TIGAR: variants seen among roughly 807,000 people sequenced by gnomAD.
TIGAR encodes the protein fructose-2,6-bisphosphatase TIGAR.
A neutral mutation model predicts 17.9 loss-of-function variants in TIGAR; 7 were observed. The ratio of observed to expected loss-of-function variants is 0.39; its 90% confidence interval spans 0.22 to 0.73. The LOEUF is 0.73. Among genes scored for constraint, TIGAR ranks in the 30% least tolerant of loss-of-function variants. The probability of loss-of-function intolerance (pLI) is 0.42; values close to 1 mark genes in which losing one functional copy is unlikely to be tolerated. For missense variants in TIGAR, 258 were observed against 327.4 expected, an observed-to-expected ratio of 0.79 and a Z score of 1.64; for synonymous variants, 94 against 108.6, an observed-to-expected ratio of 0.87 and a Z score of 0.84.
In TIGAR at chr12:4,352,919, A is replaced by G. The variant is rs1031088317; in HGVS notation, c.*228A>G. ...CAGAATAATTTTACCACCCTGCTAG[A>G]TGTCATCTCTGGATTGCACATGGAT... On this transcript the variant is annotated 3_prime_UTR_variant, in exon 6 of 6. Transcript: ENST00000179259. 8.0e-6 allele frequency: 4 copies of G among 500,038 alleles called. No homozygotes were observed. The highest frequency in any genetic ancestry group is 3.8e-5 in the African/African-American group (2 of 52,516). 31.0% of individuals were successfully genotyped at this position (500,038 alleles called of 1,614,324 possible).
At chr12:4,340,972 G>T (rs1864713464) in intron 3 of TIGAR, among the ~76,000 whole-genome samples, 1 of 152,136 alleles carries the variant, frequency 6.6e-6, no homozygotes, top group South Asian at 2.1e-4. Flanking sequence ...CCAGAACATT[G>T]TTCTGGCCAG....
intron 2 of TIGAR, among the ~76,000 whole-genome samples, chr12:4,334,530 A>C (rs1759461972): frequency 6.6e-6 from 1 of 152,234 alleles, no homozygotes; most frequent in African/African-American, 2.4e-5. Flanking sequence ...AAAAAATACA[A>C]AGAACTTGTC....
chr12:4,355,226 G>T lies in TIGAR; in HGVS notation c.*2535G>T, dbSNP rs1267137772. ...TGAAATTTGCTTTTTATAGTATAAGGTAAGAATTTAATTTTTTTTTTCATG... is the reference window on the plus strand; with the variant it reads ...TGAAATTTGCTTTTTATAGTATAAGTTAAGAATTTAATTTTTTTTTTCATG... On this transcript the variant is annotated 3_prime_UTR_variant, in exon 6 of 6. Coordinates refer to ENST00000179259, the MANE Select transcript of TIGAR (RefSeq NM_020375.3). 6.6e-6 allele frequency among the ~76,000 whole-genome samples: 1 copy of T among 151,998 alleles called. No homozygotes were observed. The highest frequency in any genetic ancestry group is 2.1e-4 in the South Asian group (1 of 4,822).
intron 2 of TIGAR, 91 bp from the exon 3 acceptor site, chr12:4,336,948 G>T: frequency 7.5e-7 from 1 of 1,331,900 alleles, no homozygotes; most frequent in East Asian, 2.6e-5. Flanking sequence ...TTAAAATTTA[G>T]ATAAATGCAG....
rs561238240 is a variant in TIGAR, at chr12:4,356,558, G to T, written c.*3867G>T. Among the ~76,000 whole-genome samples the T allele has an allele frequency of 3.3e-5, 5 of 151,930 alleles. No homozygotes were observed. The highest frequency in any genetic ancestry group is 5.9e-5 in the Non-Finnish European group (4 of 67,990). Reference sequence around the variant, plus strand: ...CCAGACCAGTGCATCTGTTACCATCGGTGAGCCCACATTACACTGACATAT... The same window carrying T: ...CCAGACCAGTGCATCTGTTACCATCTGTGAGCCCACATTACACTGACATAT... On this transcript the variant is annotated 3_prime_UTR_variant, in exon 6 of 6. Coordinates refer to ENST00000179259, the MANE Select transcript of TIGAR (RefSeq NM_020375.3).
At chr12:4,339,407 A>G (rs1231251627) in intron 3 of TIGAR, among the ~76,000 whole-genome samples, 1 of 152,220 alleles carries the variant, frequency 6.6e-6, no homozygotes, top group Non-Finnish European at 1.5e-5. Flanking sequence ...AAGCCATTAT[A>G]AAAGTCTCCC....
chr12:4,334,603 A>G (rs908646473), intron 2 of TIGAR, among the ~76,000 whole-genome samples: 1 of 152,230 alleles, frequency 6.6e-6, no homozygotes, highest in Non-Finnish European at 1.5e-5. Flanking sequence ...TCATTTGTTT[A>G]GATGGCATTT....
At chr12:4,333,977 T>A (rs1432776999) in intron 2 of TIGAR, among the ~76,000 whole-genome samples, 1 of 152,136 alleles carries the variant, frequency 6.6e-6, no homozygotes, top group Non-Finnish European at 1.5e-5. Context: ...TTTTTTTCTT[T>A]GTTTTTTTTT....
At chr12:4,323,586 A>T (rs560153704) in intron 1 of TIGAR, among the ~76,000 whole-genome samples, 162 of 152,320 alleles carry the variant, frequency 1.1e-3, no homozygotes, top group African/African-American at 3.7e-3. Flanking sequence ...TAACTTGCTT[A>T]AAGTCACATG....
At chr12:4,344,954 C>T (rs902338857) in intron 3 of TIGAR, among the ~76,000 whole-genome samples, 2 of 152,130 alleles carry the variant, frequency 1.3e-5, no homozygotes, top group Non-Finnish European at 2.9e-5. Context: ...AAATCACAAG[C>T]CTTATTATAC....
rs1243736676 is a variant in TIGAR, at chr12:4,355,616, G to A, written c.*2925G>A. On this transcript the variant is annotated 3_prime_UTR_variant, in exon 6 of 6. Transcript: ENST00000179259. ...TATTTTTTGAGCATGGCACACACAT[G>A]CCAGGCTATTTTAAGAACTACTACA... Among the ~76,000 whole-genome samples the A allele has an allele frequency of 6.6e-6, 1 of 152,194 alleles. No individual in the cohort carries two copies. The highest frequency in any genetic ancestry group is 1.5e-5 in the Non-Finnish European group (1 of 68,044).
Position 4,352,839 on chromosome 12 carries a change from T to A in TIGAR, c.*148T>A. 1 of 675,616 alleles carries A rather than the reference T, an allele frequency of 1.5e-6. No individual in the cohort carries two copies. The highest frequency in any genetic ancestry group is 2.4e-6 in the Non-Finnish European group (1 of 409,094). The allele number at this position is 675,616 out of a possible 1,614,324, so 41.9% of individuals were successfully genotyped here. On this transcript the variant is annotated 3_prime_UTR_variant, in exon 6 of 6. Transcript: ENST00000179259. ...GTGGAACCATAGCCACATAAAACTT[T>A]AATGGACAACCATATAGAATTAACT...
intron 1 of TIGAR, among the ~76,000 whole-genome samples, chr12:4,330,036 A>T (rs1864587595): frequency 1.3e-5 from 2 of 152,138 alleles, no homozygotes; most frequent in Admixed American, 1.3e-4. Context: ...AAGAACATTC[A>T]TATTGGCCAA....
intron 1 of TIGAR, among the ~76,000 whole-genome samples, chr12:4,329,205 A>G (rs779064649): frequency 2.6e-5 from 4 of 151,926 alleles, no homozygotes; most frequent in Non-Finnish European, 5.9e-5. Context: ...CATTAGGTAG[A>G]TATGTCACTG....
At chr12:4,335,995 T>C (rs1442743409) in intron 2 of TIGAR, among the ~76,000 whole-genome samples, 1 of 152,268 alleles carries the variant, frequency 6.6e-6, no homozygotes, top group African/African-American at 2.4e-5. Context: ...TTTGTGACTC[T>C]GTCTTTATGT....
chr12:4,348,296 T>G (rs1864802555), intron 3 of TIGAR, among the ~76,000 whole-genome samples: 1 of 152,082 alleles, frequency 6.6e-6, no homozygotes, highest in Non-Finnish European at 1.5e-5. Flanking sequence ...TTTACAGAAT[T>G]TACAGAATTG....
rs1488840022 is a variant in TIGAR at position 4,353,266 on chromosome 12, A to T, written c.*575A>T. On this transcript the variant is annotated 3_prime_UTR_variant, in exon 6 of 6. Transcript: ENST00000179259. ...GTGGATGAATACAGATTATGATTGC[A>T]GAATGGTCTGGGGGAAGAAGTTAAA... 2 of 152,360 alleles carry T rather than the reference A, an allele frequency of 1.3e-5. No homozygotes were observed. The highest frequency in any genetic ancestry group is 6.5e-5 in the Admixed American group (1 of 15,290). The allele number at this position is 152,360 out of a possible 1,614,324, so 9.4% of individuals were successfully genotyped here.
At chr12:4,343,559 A>G (rs1006931632) in intron 3 of TIGAR, among the ~76,000 whole-genome samples, 7 of 152,252 alleles carry the variant, frequency 4.6e-5, no homozygotes, top group African/African-American at 1.7e-4. Context: ...CAATCAAACT[A>G]GAACTCAGAA....
In TIGAR at chr12:4,355,099, G is replaced by T. The variant is rs769515616; in HGVS notation, c.*2408G>T. ...ACCAATATACCTTATCCTTTATGGGGTTTTTTTGGTGTGTATCTTTAAGAA... is the reference window on the plus strand; with the variant it reads ...ACCAATATACCTTATCCTTTATGGGTTTTTTTTGGTGTGTATCTTTAAGAA... On this transcript the variant is annotated 3_prime_UTR_variant, in exon 6 of 6. Transcript: ENST00000179259. Among the ~76,000 whole-genome samples, 1 of 151,920 alleles carries T rather than the reference G, an allele frequency of 6.6e-6. No homozygotes were observed. Among genetic ancestry groups the T allele is most frequent in the Non-Finnish European group, 1.5e-5 (1 of 67,974 alleles).
Sources: gnomAD v4.1 joint callset for allele counts (sites outside exome capture counted in the v4.1 genomes callset) on GRCh38, gnomAD v4.1.1 for gene constraint, MANE v1.5 for transcripts, NCBI Gene and HGNC (gene_info 2026-07-23, HGNC 2026-07-21) for gene names.